Variants in AIM2 observed in about 807,000 individuals in gnomAD.
AIM2 encodes absent in melanoma 2.
In AIM2, 30 loss-of-function variants were observed where a neutral mutation model predicts 27.7. The ratio of observed to expected loss-of-function variants is 1.08; its 90% CI spans 0.81 to 1.47. AIM2 has a LOEUF of 1.47. AIM2 is among the 40% of genes most tolerant of loss of function. The pLI, the probability that AIM2 is intolerant of heterozygous loss-of-function variation, is 0.00. For synonymous variants in AIM2, 141 were observed against 145.3 expected (o/e 0.97, Z 0.21); for missense variants, 358 against 411.3 (o/e 0.87, Z 1.12).
intron 1 of AIM2, among the ~76,000 whole-genome samples, chr1:159,117,754 G>GAC (rs137925144): frequency 6.2e-4 from 93 of 150,934 alleles, no homozygotes; most frequent in African/African-American, 1.6e-3. Context: ...GAATTTCACT[G>GAC]ACACACACAC....
At chr1:159,076,322 A>C (rs946326658) in intron 1 of AIM2, among the ~76,000 whole-genome samples, 1 of 152,144 alleles carries the variant, frequency 6.6e-6, no homozygotes, top group Non-Finnish European at 1.5e-5. Context: ...CTTGCATTTT[A>C]CTTCATAATA....
At chr1:159,087,904 T>TGGCA (rs1656955907) in intron 1 of AIM2, among the ~76,000 whole-genome samples, 1 of 152,174 alleles carries the variant, frequency 6.6e-6, no homozygotes, top group Non-Finnish European at 1.5e-5. Context: ...TAGTGATAAG[T>TGGCA]GGCAGAGTTT....
At chr1:159,073,577 A>G in intron 1 of AIM2, 58 bp from the exon 2 acceptor site, 1 of 1,473,942 alleles carries the variant, frequency 6.8e-7, no homozygotes, top group Non-Finnish European at 9.2e-7. Context: ...TACATTCAAA[A>G]TAAAGCAAGG....
intron 1 of AIM2, among the ~76,000 whole-genome samples, chr1:159,145,988 C>T (rs576091875): frequency 1.3e-5 from 2 of 152,176 alleles, no homozygotes; most frequent in South Asian, 4.2e-4. Context: ...TGCCTGTAGT[C>T]CCAGCTACTC....
chr1:159,093,702 A>T (rs1164093017), intron 1 of AIM2, among the ~76,000 whole-genome samples: 5 of 150,882 alleles, frequency 3.3e-5, no homozygotes, highest in Admixed American at 6.6e-5. Flanking sequence ...AAATATATAT[A>T]TACATATATA....
chr1:159,062,696 G>GTTT lies in AIM2; in HGVS notation c.1025_1027dup (p.Lys342dup). The GTTT allele has an allele frequency of 7.1e-7, 1 of 1,407,292 alleles. No homozygotes were observed. Among genetic ancestry groups the GTTT allele is most frequent in the South Asian group, 1.3e-5 (1 of 78,788 alleles). The allele number at this position is 1,407,292 out of a possible 1,614,324, so 87.2% of individuals were successfully genotyped here. ...GAATTGGTCCTTTTTACTTCTCTAT[G>GTTT]TTTTTTTTTTGGCCTTAATAACCTG... On this transcript the variant is annotated inframe_insertion, in exon 6 of 6. Transcript: ENST00000368130.
chr1:159,113,379 T>C (rs76574002), intron 1 of AIM2, among the ~76,000 whole-genome samples: 182 of 152,322 alleles, frequency 1.2e-3, no homozygotes, highest in African/African-American at 4.3e-3. Flanking sequence ...ATTTGTCAAT[T>C]AAGATACCTG....
chr1:159,081,455 T>C (rs1397275767), upstream of AIM2: 40 of 484,524 alleles, frequency 8.3e-5, 1 homozygote, highest in South Asian at 5.8e-4. Context: ...AGGACCTCAG[T>C]CGTCACATCC....
upstream of AIM2, among the ~76,000 whole-genome samples, chr1:159,080,307 G>A (rs1382313207): frequency 6.6e-6 from 1 of 152,172 alleles, no homozygotes; most frequent in African/African-American, 2.4e-5. Flanking sequence ...ATGTTTATGA[G>A]CAAACGAAAG....
intron 1 of AIM2, among the ~76,000 whole-genome samples, chr1:159,125,117 C>G (rs1647652066): frequency 6.6e-6 from 1 of 152,146 alleles, no homozygotes. Flanking sequence ...AGACAAGTAT[C>G]AGAGCCAGAG....
At chr1:159,081,682 T>A, upstream of AIM2, 1 of 250,712 alleles carries the variant, frequency 4.0e-6, no homozygotes, top group Non-Finnish European at 8.5e-6. Context: ...TAGGACTTGA[T>A]CCAAAAATAA....
chr1:159,133,160 G>A (rs530157514), intron 1 of AIM2, among the ~76,000 whole-genome samples: 57 of 152,062 alleles, frequency 3.7e-4, no homozygotes, highest in Admixed American at 2.7e-3. Flanking sequence ...TTCTATTTAT[G>A]TACTTGCTCT....
At chr1:159,063,805 T>A in intron 4 of AIM2, 131 bp from the exon 5 acceptor site, 2 of 961,030 alleles carry the variant, frequency 2.1e-6, no homozygotes, top group Non-Finnish European at 3.1e-6. Context: ...AGATTTTACC[T>A]GTGCAGGTCC....
chr1:159,130,985 T>C (rs1647858934), intron 1 of AIM2, among the ~76,000 whole-genome samples: 1 of 152,144 alleles, frequency 6.6e-6, no homozygotes, highest in Non-Finnish European at 1.5e-5. Context: ...AGTGCTTTTT[T>C]TCTCTCCTTC....
Position 159,117,324 on chromosome 1 carries a change from C to A in AIM2, c.-16+23107G>T, listed in dbSNP as rs1647384716. On this transcript the variant is annotated intron_variant, in intron 1 of 2. Transcript: ENST00000368129. ...GATCAGATTAGGATTCTAGAGGCAT[C>A]AGAAAAACATGTGCTCTGGAGAAAA... 3.3e-5 allele frequency among the ~76,000 whole-genome samples: 5 copies of A among 152,220 alleles called. No individual in the cohort carries two copies. The East Asian group carries it at 9.6e-4, about 29-fold the overall frequency.
chr1:159,082,116 C>G (rs1570953612), intron 1 of AIM2, among the ~76,000 whole-genome samples: 1 of 151,508 alleles, frequency 6.6e-6, no homozygotes, highest in East Asian at 1.9e-4. Context: ...AAGAATAGAT[C>G]ATATCTGAGG....
chr1:159,074,955 T>C (rs1656533163), intron 1 of AIM2, among the ~76,000 whole-genome samples: 1 of 152,154 alleles, frequency 6.6e-6, no homozygotes, highest in Non-Finnish European at 1.5e-5. Flanking sequence ...TTTATCAGAA[T>C]GATCCTAAAA....
At chr1:159,096,210 T>C (rs538729375) in intron 1 of AIM2, among the ~76,000 whole-genome samples, 61 of 152,334 alleles carry the variant, frequency 4.0e-4, no homozygotes, top group African/African-American at 1.4e-3. Context: ...CAACTTTGTG[T>C]AGTAGAAAAA....
At chr1:159,102,117 C>G (rs1188951352) in intron 1 of AIM2, among the ~76,000 whole-genome samples, 1 of 152,150 alleles carries the variant, frequency 6.6e-6, no homozygotes, top group Non-Finnish European at 1.5e-5. Flanking sequence ...ATGCAGCCTT[C>G]GGAAATGGTG....
Sources: allele counts gnomAD v4.1 joint callset (sites outside exome capture counted in the v4.1 genomes callset), GRCh38; gene constraint gnomAD v4.1.1; transcripts MANE v1.5; gene names NCBI Gene and HGNC (gene_info 2026-07-23, HGNC 2026-07-21).